The following NOS1AP variants were observed in gnomAD, a reference collection of about 807,000 sequenced individuals.
The protein encoded by NOS1AP is nitric oxide synthase 1 adaptor protein.
A neutral mutation model predicts 56.2 loss-of-function variants in NOS1AP; 21 were observed. That is an observed-to-expected ratio of 0.37 (90% CI 0.26 to 0.54). The LOEUF (loss-of-function observed/expected upper bound fraction) is 0.54. Ranked by LOEUF, NOS1AP falls within the 20% of genes least tolerant of loss-of-function variation. The pLI is 0.84. For synonymous variants in NOS1AP, 270 were observed against 274.6 expected (o/e 0.98, Z 0.17); for missense variants, 522 against 657.8 (o/e 0.79, Z 2.26).
At chr1:162,312,734 A>G (rs1311867387) in intron 4 of NOS1AP, among the ~76,000 whole-genome samples, 1 of 152,138 alleles carries the variant, frequency 6.6e-6, no homozygotes, top group Non-Finnish European at 1.5e-5. Context: ...GTTTAAGATA[A>G]AATACTGGCA....
intron 2 of NOS1AP, among the ~76,000 whole-genome samples, chr1:162,247,190 T>C (rs1298087486): frequency 2.6e-5 from 4 of 152,154 alleles, no homozygotes; most frequent in Non-Finnish European, 1.5e-5. Flanking sequence ...AATTAACCAG[T>C]GTCACCAATC....
intron 2 of NOS1AP, among the ~76,000 whole-genome samples, chr1:162,192,217 A>C (rs1651669317): frequency 6.6e-6 from 1 of 152,132 alleles, no homozygotes; most frequent in South Asian, 2.1e-4. Context: ...GGTGATTCTG[A>C]TGTGTGCTCA....
chr1:162,176,331 C>A lies in NOS1AP; in HGVS notation c.177+21855C>A, dbSNP rs367985047. On this transcript the variant is annotated intron_variant, in intron 2 of 9. Transcript: ENST00000361897. ...GTGCTTCATCTATTTAATTCCCAAA[C>A]CCTATCCCCAAACCCCTGGCAACCA... 2.7e-4 allele frequency among the ~76,000 whole-genome samples: 41 copies of A among 152,152 alleles called. No homozygotes were observed. The East Asian group carries it at 5.6e-3, about 21-fold the overall frequency.
intron 2 of NOS1AP, among the ~76,000 whole-genome samples, chr1:162,240,889 T>C (rs1399952573): frequency 6.6e-6 from 1 of 152,102 alleles, no homozygotes; most frequent in Non-Finnish European, 1.5e-5. Context: ...TGTCAAGGGA[T>C]GGTCACAGTG....
chr1:162,260,415 G>A (rs1411521450), intron 2 of NOS1AP, among the ~76,000 whole-genome samples: 1 of 152,118 alleles, frequency 6.6e-6, no homozygotes, highest in Non-Finnish European at 1.5e-5. Context: ...TTGGTATTCA[G>A]AACCATCAAG....
chr1:162,110,255 T>C (rs1571018454), intron 1 of NOS1AP, among the ~76,000 whole-genome samples: 1 of 135,004 alleles, frequency 7.4e-6, no homozygotes, highest in East Asian at 2.3e-4. Flanking sequence ...TGCCCTAAGT[T>C]ATATGTAGAC....
intron 8 of NOS1AP, among the ~76,000 whole-genome samples, chr1:162,361,222 A>G (rs1435162996): frequency 3.3e-5 from 5 of 152,148 alleles, no homozygotes; most frequent in African/African-American, 1.2e-4. Context: ...AGAAAGAAAT[A>G]TGGTCTACTT....
chr1:162,232,901 C>T (rs1571147562), intron 2 of NOS1AP, among the ~76,000 whole-genome samples: 1 of 152,220 alleles, frequency 6.6e-6, no homozygotes, highest in Admixed American at 6.5e-5. Flanking sequence ...TTGTTTCTCC[C>T]ATTTCATATA....
At chr1:162,120,057 TATGTATATGC>T (rs1328111528) in intron 1 of NOS1AP, among the ~76,000 whole-genome samples, 4 of 143,586 alleles carry the variant, frequency 2.8e-5, no homozygotes, top group African/African-American at 1.0e-4. Flanking sequence ...ATTTTATATA[TATGTATATGC>T]ATATGTATAT....
chr1:162,340,195 T>A (rs190029683), intron 5 of NOS1AP, among the ~76,000 whole-genome samples: 4 of 152,346 alleles, frequency 2.6e-5, no homozygotes, highest in East Asian at 3.9e-4. Flanking sequence ...AACCTTCACA[T>A]TAAAGGAGTA....
Position 162,269,333 on chromosome 1 carries a change from C to CT in NOS1AP, c.178-18008dup, listed in dbSNP as rs1186890251. On this transcript the variant is annotated intron_variant, in intron 2 of 9. Transcript: ENST00000361897. ...TCTTAAAATTGAATTTCCTTTTATT[C>CT]TTTGTAGTGACTGGAGGGGGAGTTG... is the stretch of plus-strand genomic sequence containing the variant. 4.6e-5 allele frequency among the ~76,000 whole-genome samples: 7 copies of CT among 152,190 alleles called. No individual in the cohort carries two copies. In the East Asian group the frequency reaches 1.3e-3, roughly 29 times the overall value.
At chr1:162,142,630 A>G (rs2102076895) in intron 1 of NOS1AP, among the ~76,000 whole-genome samples, 1 of 152,340 alleles carries the variant, frequency 6.6e-6, no homozygotes, top group East Asian at 1.9e-4. Context: ...GAGGACAGGC[A>G]TTGTTAAAGG....
chr1:162,175,399 A>C (rs1557819701), intron 2 of NOS1AP, among the ~76,000 whole-genome samples: 1 of 152,066 alleles, frequency 6.6e-6, no homozygotes, highest in Non-Finnish European at 1.5e-5. Context: ...TCTTTATTTC[A>C]TTGCACAAAT....
At chr1:162,107,057 G>A (rs1200137352) in intron 1 of NOS1AP, among the ~76,000 whole-genome samples, 1 of 152,018 alleles carries the variant, frequency 6.6e-6, no homozygotes, top group African/African-American at 2.4e-5. Flanking sequence ...GCTTCCATAG[G>A]GTGGAAAACT....
intron 2 of NOS1AP, among the ~76,000 whole-genome samples, chr1:162,177,762 T>C (rs970604929): frequency 4.6e-5 from 7 of 152,198 alleles, no homozygotes; most frequent in East Asian, 3.8e-4. Flanking sequence ...TTCCTGCCCC[T>C]GCACATGCAC....
chr1:162,332,158 G>A (rs1656790517), intron 4 of NOS1AP, among the ~76,000 whole-genome samples: 1 of 152,074 alleles, frequency 6.6e-6, no homozygotes, highest in African/African-American at 2.4e-5. Context: ...AATACCTTCT[G>A]AACACTGCAG....
intron 1 of NOS1AP, among the ~76,000 whole-genome samples, chr1:162,119,541 A>G (rs10753758): frequency 0.92 from 139,428 of 152,262 alleles, 64,271 homozygotes; most frequent in East Asian, 1. Context: ...AAATATAAGC[A>G]AAGGACTCGT....
At chr1:162,114,827 G>C (rs900176966) in intron 1 of NOS1AP, among the ~76,000 whole-genome samples, 1 of 152,126 alleles carries the variant, frequency 6.6e-6, no homozygotes, top group Non-Finnish European at 1.5e-5. Flanking sequence ...CATCGTTTGC[G>C]TCTATGTGAC....
intron 2 of NOS1AP, among the ~76,000 whole-genome samples, chr1:162,283,877 G>A (rs1029367856): frequency 6.6e-6 from 1 of 152,242 alleles, no homozygotes; most frequent in African/African-American, 2.4e-5. Flanking sequence ...GGGAGGGCCA[G>A]GCCCGTTGGC....
Sources: gnomAD v4.1 joint callset for allele counts (sites outside exome capture counted in the v4.1 genomes callset) on GRCh38, gnomAD v4.1.1 for gene constraint, MANE v1.5 for transcripts, NCBI Gene and HGNC (gene_info 2026-07-23, HGNC 2026-07-21) for gene names.